Variants in PALLD observed in about 807,000 individuals in gnomAD.
PALLD encodes palladin.
PALLD carries 61 observed loss-of-function variants against 123.5 expected under a neutral mutation model. The observed-to-expected ratio is 0.49, with a 90% confidence interval of 0.40 to 0.61. The LOEUF (loss-of-function observed/expected upper bound fraction) is 0.61. Ranked by LOEUF, PALLD falls within the 20% of genes least tolerant of loss-of-function variation. The probability of loss-of-function intolerance (pLI) is 0.00; values close to 1 mark genes in which losing one functional copy is unlikely to be tolerated. For synonymous variants in PALLD, 465 were observed against 496.4 expected, an observed-to-expected ratio of 0.94 and a Z score of 0.84; for missense variants, 1,273 against 1,377.0, an observed-to-expected ratio of 0.92 and a Z score of 1.20.
At chr4:168,772,443 T>C (rs1734582631) in intron 10 of PALLD, among the ~76,000 whole-genome samples, 1 of 152,140 alleles carries the variant, frequency 6.6e-6, no homozygotes, top group Admixed American at 6.5e-5. Flanking sequence ...CTAAACCTCC[T>C]CAAAAAAAGC....
At chr4:168,905,045 T>C (rs1320473833) in intron 15 of PALLD, among the ~76,000 whole-genome samples, 1 of 151,794 alleles carries the variant, frequency 6.6e-6, no homozygotes, top group African/African-American at 2.4e-5. Context: ...GAGAATCACT[T>C]GAACCTGGGA....
chr4:168,820,479 G>A (rs902280093), intron 10 of PALLD, among the ~76,000 whole-genome samples: 4 of 152,144 alleles, frequency 2.6e-5, no homozygotes, highest in African/African-American at 9.7e-5. Context: ...CAAGCTATTT[G>A]TATAGCTATG....
Position 168,922,102 on chromosome 4 carries a change from TACACACACACACACACACAC to T in PALLD, c.3058+384_3058+403del, listed in dbSNP as rs35503011. Among the ~76,000 whole-genome samples the T allele has an allele frequency of 1.9e-4, 25 of 132,632 alleles. No individual in the cohort carries two copies. The East Asian group carries it at 2.3e-3, about 12-fold the overall frequency. 87.0% of individuals were successfully genotyped at this position (132,632 alleles called of 152,430 possible). A position where few individuals can be genotyped will look rare whatever the true frequency, so the allele number is the denominator to read the frequency against. ...TTTTATATTTATATATATATATATA[TACACACACACACACACACAC>T]ACACACACACACACACACACACCTG... On this transcript the variant is annotated intron_variant, in intron 18 of 21. Coordinates refer to ENST00000505667, the MANE Select transcript of PALLD (RefSeq NM_001166108.2).
chr4:168,758,227 C>G (rs1732170225), intron 10 of PALLD, among the ~76,000 whole-genome samples: 1 of 151,970 alleles, frequency 6.6e-6, no homozygotes. Context: ...TAAAACTCAT[C>G]TTTTCAAGCT....
At chr4:168,720,979 T>C (rs377095866) in intron 10 of PALLD, among the ~76,000 whole-genome samples, 20 of 152,348 alleles carry the variant, frequency 1.3e-4, no homozygotes, top group East Asian at 7.7e-4. Context: ...TGCCAGTCTC[T>C]TGGTGAATGT....
intron 10 of PALLD, among the ~76,000 whole-genome samples, chr4:168,733,378 C>G (rs1787368434): frequency 6.6e-6 from 1 of 152,120 alleles, no homozygotes; most frequent in South Asian, 2.1e-4. Flanking sequence ...TGCATGTTTT[C>G]TCTTCCTTTT....
At chr4:168,796,918 C>A (rs1738593815) in intron 10 of PALLD, among the ~76,000 whole-genome samples, 1 of 152,196 alleles carries the variant, frequency 6.6e-6, no homozygotes, top group South Asian at 2.1e-4. Flanking sequence ...TCTGCCTGAA[C>A]TGTCTCTAGT....
intron 10 of PALLD, among the ~76,000 whole-genome samples, chr4:168,886,381 C>T (rs1304728225): frequency 6.6e-6 from 1 of 152,144 alleles, no homozygotes; most frequent in Non-Finnish European, 1.5e-5. Context: ...GTGGCTCACA[C>T]CTGTAATTCC....
chr4:168,598,458 T>C, intron 2 of PALLD: 1 of 612,310 alleles, frequency 1.6e-6, no homozygotes, highest in East Asian at 3.9e-5. Context: ...GCATGACTGG[T>C]AACTGCAAAG....
intron 2 of PALLD, among the ~76,000 whole-genome samples, chr4:168,571,217 G>T (rs1231066229): frequency 6.6e-6 from 1 of 152,026 alleles, no homozygotes; most frequent in Non-Finnish European, 1.5e-5. Context: ...TTTTCCTTCT[G>T]CTTCATTTAT....
At chr4:168,635,457 C>T (rs529493559) in intron 2 of PALLD, among the ~76,000 whole-genome samples, 1 of 152,330 alleles carries the variant, frequency 6.6e-6, no homozygotes, top group Admixed American at 6.5e-5. Flanking sequence ...TACCTCTGAA[C>T]AGGTTCCCAA....
chr4:168,677,684 G>A (rs954308410), intron 3 of PALLD, among the ~76,000 whole-genome samples: 2 of 151,932 alleles, frequency 1.3e-5, no homozygotes, highest in Admixed American at 6.6e-5. Context: ...GGTCACCCCC[G>A]ACCTTCTGAT....
At chr4:168,855,226 G>A (rs1237710004) in intron 10 of PALLD, among the ~76,000 whole-genome samples, 1 of 151,712 alleles carries the variant, frequency 6.6e-6, no homozygotes, top group Admixed American at 6.6e-5. Flanking sequence ...AAGTAGCTGG[G>A]ATTACAGGCA....
chr4:168,786,000 T>G (rs1017467020), intron 10 of PALLD, among the ~76,000 whole-genome samples: 7 of 151,588 alleles, frequency 4.6e-5, no homozygotes, highest in African/African-American at 7.3e-5. Flanking sequence ...GAATACAGTG[T>G]GACCAATAAA....
At chr4:168,581,184 G>T (rs1163004450) in intron 2 of PALLD, among the ~76,000 whole-genome samples, 16 of 151,868 alleles carry the variant, frequency 1.1e-4, no homozygotes, top group Non-Finnish European at 1.5e-5. Context: ...CCAAATCTTG[G>T]CTGTTGTAGA....
At chr4:168,903,455 C>T (rs1008568461) in intron 14 of PALLD, among the ~76,000 whole-genome samples, 2 of 152,022 alleles carry the variant, frequency 1.3e-5, no homozygotes, top group Non-Finnish European at 2.9e-5. Flanking sequence ...GAAGTAATGC[C>T]ACTTCATAGA....
chr4:168,588,827 C>T (rs540596845), intron 2 of PALLD, among the ~76,000 whole-genome samples: 6 of 150,500 alleles, frequency 4.0e-5, no homozygotes, highest in African/African-American at 1.5e-4. Context: ...TAGCCGTGTT[C>T]AATCTCTATC....
At chr4:168,737,231 C>T (rs1787848710) in intron 10 of PALLD, among the ~76,000 whole-genome samples, 1 of 152,164 alleles carries the variant, frequency 6.6e-6, no homozygotes, top group Admixed American at 6.5e-5. Context: ...GGCTAATGAA[C>T]AAAATGCTCA....
At chr4:168,539,308 G>C (rs1017330524) in intron 2 of PALLD, among the ~76,000 whole-genome samples, 121 of 152,210 alleles carry the variant, frequency 7.9e-4, no homozygotes, top group African/African-American at 2.9e-3. Context: ...TACGAGTCCT[G>C]CCCGGGCGCG....
Sources: allele counts gnomAD v4.1 joint callset (sites outside exome capture counted in the v4.1 genomes callset), GRCh38; gene constraint gnomAD v4.1.1; transcripts MANE v1.5; gene names NCBI Gene and HGNC (gene_info 2026-07-23, HGNC 2026-07-21).